Variants in DCAF8L2 observed in about 807,000 individuals in gnomAD.
DCAF8L2 encodes the protein DDB1- and CUL4-associated factor 8-like protein 2.
For missense variants in DCAF8L2, 430 were observed against 490.7 expected, an observed-to-expected ratio of 0.88 and a Z score of 1.17; for synonymous variants, 200 against 190.9, an observed-to-expected ratio of 1.05 and a Z score of -0.39.
intron 2 of DCAF8L2, chrX:27,633,690 T>C (rs1269923807): frequency 8.9e-6 from 1 of 112,092 alleles, no homozygotes; most frequent in Non-Finnish European, 1.9e-5. Flanking sequence ...TTAGAGCCTC[T>C]GCTTCAGTGT....
At chrX:27,619,452 G>A (rs916899992) in intron 1 of DCAF8L2, among the ~76,000 whole-genome samples, 1 of 111,310 alleles carries the variant, frequency 9.0e-6, no homozygotes, top group Non-Finnish European at 1.9e-5. Flanking sequence ...TTGTTACAGG[G>A]ATCTGGGTTT....
At chrX:27,652,662 CCACTAATT>C (rs1929196858) in intron 2 of DCAF8L2, among the ~76,000 whole-genome samples, 1 of 111,896 alleles carries the variant, frequency 8.9e-6, no homozygotes, top group African/African-American at 3.2e-5. Flanking sequence ...AATAAGGTAG[CCACTAATT>C]CAATCAATGA....
intron 3 of DCAF8L2, among the ~76,000 whole-genome samples, chrX:27,696,324 AAGAAAG>A: frequency 2.8e-5 from 1 of 36,138 alleles, no homozygotes. Context: ...GAAAGAAAGA[AAGAAAG>A]AAAAAGAAAG....
At chrX:27,548,391 A>G in the DCAF8L2 span, among the ~76,000 whole-genome samples, 1 of 111,577 alleles carries the variant, frequency 9.0e-6, no homozygotes, top group Non-Finnish European at 1.9e-5. Flanking sequence ...TTTCTTCAAA[A>G]TGGTGTGGAG....
At chrX:27,540,677 A>G in the DCAF8L2 span, among the ~76,000 whole-genome samples, 1 of 111,604 alleles carries the variant, frequency 9.0e-6, no homozygotes, top group African/African-American at 3.3e-5. Context: ...TGACTACAAT[A>G]AAAATTTATT....
At chrX:27,564,319 C>G in the DCAF8L2 span, among the ~76,000 whole-genome samples, 3 of 111,230 alleles carry the variant, frequency 2.7e-5, no homozygotes, top group Admixed American at 1.9e-4. Context: ...CAGGATCCCT[C>G]CCACAACACG....
In DCAF8L2 at chrX:27,590,434, G is replaced by A. The variant is rs7880294; in HGVS notation, c.-348G>A. The A allele has an allele frequency of 9.0e-6, 1 of 111,262 alleles. No individual in the cohort carries two copies. Among genetic ancestry groups the A allele is most frequent in the African/African-American group, 3.3e-5 (1 of 30,366 alleles). The allele number at this position is 111,262 out of a possible 1,213,427, so 9.2% of individuals were successfully genotyped here. Reference sequence around the variant, plus strand: ...ATGCAGAGGAAGGCGAATGACTCGAGTCTATGGTATGTAATCAATATTTTG... The same window carrying A: ...ATGCAGAGGAAGGCGAATGACTCGAATCTATGGTATGTAATCAATATTTTG... On this transcript the variant is annotated 5_prime_UTR_variant, in exon 1 of 5. Transcript: ENST00000451261.
the DCAF8L2 span, among the ~76,000 whole-genome samples, chrX:27,542,997 C>T: frequency 8.9e-6 from 1 of 111,787 alleles, no homozygotes; most frequent in Non-Finnish European, 1.9e-5. Flanking sequence ...TAATTAGATC[C>T]CACTTGTCAA....
In DCAF8L2 at chrX:27,591,333, G is replaced by T. The variant is rs963995291; in HGVS notation, c.-342+893G>T. On this transcript the variant is annotated intron_variant, in intron 1 of 4. Coordinates refer to ENST00000451261, the MANE Select transcript of DCAF8L2 (RefSeq NM_001353450.2). Reference sequence around the variant, plus strand: ...CCCATAAATGCAATAACACTTTCCAGATACTATGATAACCAAAACCTCCCA... The same window carrying T: ...CCCATAAATGCAATAACACTTTCCATATACTATGATAACCAAAACCTCCCA... 5.4e-5 allele frequency among the ~76,000 whole-genome samples: 6 copies of T among 110,783 alleles called. No homozygotes were observed. In the East Asian group the frequency reaches 1.7e-3, roughly 32 times the overall value.
the DCAF8L2 span, among the ~76,000 whole-genome samples, chrX:27,548,508 G>C: frequency 9.0e-6 from 1 of 111,652 alleles, no homozygotes; most frequent in African/African-American, 3.3e-5. Flanking sequence ...CCAGTTAAAA[G>C]AGTTTATTCA....
the DCAF8L2 span, among the ~76,000 whole-genome samples, chrX:27,536,211 A>G: frequency 1.8e-5 from 2 of 112,513 alleles, no homozygotes; most frequent in African/African-American, 6.4e-5. Flanking sequence ...CCAACTAATT[A>G]ATAAATAAAT....
intron 1 of DCAF8L2, among the ~76,000 whole-genome samples, chrX:27,614,553 G>A (rs1272897017): frequency 3.6e-5 from 4 of 111,037 alleles, no homozygotes; most frequent in Non-Finnish European, 7.6e-5. Context: ...TTAGGGTGTT[G>A]ATTTTAGATC....
chrX:27,717,441 G>A (rs900718051), intron 4 of DCAF8L2, among the ~76,000 whole-genome samples: 7 of 112,008 alleles, frequency 6.2e-5, no homozygotes, highest in African/African-American at 9.7e-5. Flanking sequence ...GACATGAGAT[G>A]GTATCTCATT....
intron 1 of DCAF8L2, among the ~76,000 whole-genome samples, chrX:27,617,487 A>G (rs1385895546): frequency 9.0e-6 from 1 of 111,336 alleles, no homozygotes; most frequent in Non-Finnish European, 1.9e-5. Flanking sequence ...GAAATGAATC[A>G]TATGATTCAA....
intron 1 of DCAF8L2, among the ~76,000 whole-genome samples, chrX:27,618,736 T>G (rs1161602801): frequency 9.0e-6 from 1 of 111,521 alleles, no homozygotes; most frequent in Non-Finnish European, 1.9e-5. Flanking sequence ...GTGATCAACT[T>G]GAATACGTGT....
chrX:27,705,031 T>A (rs1434499470), intron 3 of DCAF8L2, among the ~76,000 whole-genome samples: 1 of 110,650 alleles, frequency 9.0e-6, no homozygotes, highest in Non-Finnish European at 1.9e-5. Flanking sequence ...TCTCATCATT[T>A]TGGCTTCCAT....
intron 4 of DCAF8L2, among the ~76,000 whole-genome samples, chrX:27,744,787 A>G (rs1264408323): frequency 9.1e-6 from 1 of 110,241 alleles, no homozygotes; most frequent in African/African-American, 3.3e-5. Flanking sequence ...AGAGTTTTGC[A>G]CCTCCTCTTT....
At chrX:27,564,513 TACAC>T in the DCAF8L2 span, among the ~76,000 whole-genome samples, 1 of 88,291 alleles carries the variant, frequency 1.1e-5, no homozygotes, top group African/African-American at 4.2e-5. Context: ...CTTTCTCTCT[TACAC>T]ACACGTGCAC....
chrX:27,681,208 C>A (rs1353902870), intron 3 of DCAF8L2, among the ~76,000 whole-genome samples: 1 of 110,859 alleles, frequency 9.0e-6, no homozygotes, highest in East Asian at 2.8e-4. Context: ...ATTAAATACA[C>A]ACACACACAC....
Sources: gnomAD v4.1 joint callset for allele counts (sites outside exome capture counted in the v4.1 genomes callset) on GRCh38, gnomAD v4.1.1 for gene constraint, MANE v1.5 for transcripts, NCBI Gene and HGNC (gene_info 2026-07-23, HGNC 2026-07-21) for gene names.